TRPM3: variants seen among roughly 807,000 people sequenced by gnomAD.
TRPM3 encodes transient receptor potential cation channel subfamily M member 3.
Under a neutral mutation model 181.2 loss-of-function variants are expected in TRPM3, and 77 were observed. The observed-to-expected ratio is 0.42, with a 90% confidence interval of 0.35 to 0.51. TRPM3 has a LOEUF of 0.51. Ranked by LOEUF, TRPM3 falls within the 20% of genes least tolerant of loss-of-function variation. The pLI is 0.01. For synonymous variants in TRPM3, 745 were observed against 796.4 expected (o/e 0.94, Z 1.09); for missense variants, 1,759 against 2,196.7 (o/e 0.80, Z 3.98).
intron 12 of TRPM3, among the ~76,000 whole-genome samples, chr9:70,631,361 C>CTTTTTTTTTTTTTTT (rs11285828): frequency 7.3e-6 from 1 of 136,848 alleles, no homozygotes; most frequent in Non-Finnish European, 1.6e-5. Context: ...TCTGAAATGC[C>CTTTTTTTTTTTTTTT]TTTTTTTTTT....
At chr9:70,739,665 C>A (rs2073578618) in intron 8 of TRPM3, among the ~76,000 whole-genome samples, 1 of 151,956 alleles carries the variant, frequency 6.6e-6, no homozygotes, top group Non-Finnish European at 1.5e-5. Flanking sequence ...CATCTCAATT[C>A]ACTGCAACCA....
intron 1 of TRPM3, among the ~76,000 whole-genome samples, chr9:71,064,984 G>GGAA (rs934407488): frequency 1.6e-4 from 24 of 152,256 alleles, no homozygotes; most frequent in African/African-American, 5.5e-4. Context: ...GAGGCACATT[G>GGAA]GAAGGAATTA....
intron 6 of TRPM3, among the ~76,000 whole-genome samples, chr9:70,810,788 A>C (rs2091885863): frequency 6.6e-6 from 1 of 152,206 alleles, no homozygotes; most frequent in African/African-American, 2.4e-5. Flanking sequence ...GATTTAAGGC[A>C]AAGGCTTAAC....
At chr9:70,856,107 G>A (rs2095380515) in intron 3 of TRPM3, among the ~76,000 whole-genome samples, 1 of 152,184 alleles carries the variant, frequency 6.6e-6, no homozygotes, top group African/African-American at 2.4e-5. Flanking sequence ...GTCATAGGAG[G>A]TAGTGTATGA....
At chr9:71,276,448 G>T (rs1211980342) in intron 1 of TRPM3, among the ~76,000 whole-genome samples, 1 of 151,976 alleles carries the variant, frequency 6.6e-6, no homozygotes, top group Non-Finnish European at 1.5e-5. Context: ...ATATTACTAT[G>T]TAGCATATAC....
intron 1 of TRPM3, among the ~76,000 whole-genome samples, chr9:70,919,670 G>C (rs1398918098): frequency 6.6e-6 from 1 of 151,780 alleles, no homozygotes. Flanking sequence ...TATAATCCCA[G>C]CTACTTGGGA....
chr9:71,228,751 C>T (rs879843877), intron 1 of TRPM3, among the ~76,000 whole-genome samples: 2 of 151,958 alleles, frequency 1.3e-5, no homozygotes, highest in Non-Finnish European at 2.9e-5. Flanking sequence ...TAGGAATTAA[C>T]TGAACCAAAG....
chr9:70,879,842 T>C (rs1187491846), intron 1 of TRPM3, among the ~76,000 whole-genome samples: 1 of 152,148 alleles, frequency 6.6e-6, no homozygotes, highest in East Asian at 1.9e-4. Flanking sequence ...GCACTGTCAT[T>C]GAATTGACTG....
intron 1 of TRPM3, among the ~76,000 whole-genome samples, chr9:70,905,755 T>A (rs2096455591): frequency 6.6e-6 from 1 of 152,040 alleles, no homozygotes; most frequent in Non-Finnish European, 1.5e-5. Context: ...TTTTTTTTTT[T>A]CTTTTGAGAC....
At chr9:70,694,745 G>T (rs2069759370) in intron 8 of TRPM3, among the ~76,000 whole-genome samples, 1 of 152,230 alleles carries the variant, frequency 6.6e-6, no homozygotes, top group Admixed American at 6.5e-5. Context: ...CTCCCAAAGT[G>T]CTGGGATTAC....
chr9:71,132,384 G>A (rs1026394547), intron 1 of TRPM3, among the ~76,000 whole-genome samples: 1 of 152,120 alleles, frequency 6.6e-6, no homozygotes, highest in Admixed American at 6.5e-5. Context: ...ACAGCAATGT[G>A]AATGAATCTC....
At chr9:70,554,891 C>CT (rs974807828) in intron 22 of TRPM3, among the ~76,000 whole-genome samples, 2 of 152,016 alleles carry the variant, frequency 1.3e-5, no homozygotes, top group Non-Finnish European at 2.9e-5. Flanking sequence ...GAGCAAGAAT[C>CT]TTTTTTTTAT....
At chr9:71,245,019 A>G (rs1315886332) in intron 1 of TRPM3, among the ~76,000 whole-genome samples, 30 of 152,334 alleles carry the variant, frequency 2.0e-4, no homozygotes, top group Admixed American at 2.0e-3. Flanking sequence ...CTCGAACAAC[A>G]TGAACGGAGA....
rs199634676 is a variant in TRPM3 at position 70,684,893 on chromosome 9, T to C, written c.1273-3315A>G. ...ATTAGAGTTACGCTAACCTTCTGAG[T>C]TGGGAACGTTTTCCCCTTCATGTTG... On this transcript the variant is annotated intron_variant, in intron 8 of 25. Transcript: ENST00000677713. 2.0e-5 allele frequency among the ~76,000 whole-genome samples: 3 copies of C among 152,226 alleles called. No homozygotes were observed. In the East Asian group the frequency reaches 5.8e-4, roughly 29 times the overall value.
intron 1 of TRPM3, among the ~76,000 whole-genome samples, chr9:71,073,617 CCT>C (rs2063064589): frequency 6.6e-6 from 1 of 151,988 alleles, no homozygotes; most frequent in Non-Finnish European, 1.5e-5. Flanking sequence ...AATATTCCTC[CCT>C]GTTCCATTCC....
intron 1 of TRPM3, among the ~76,000 whole-genome samples, chr9:70,957,848 C>G (rs191845085): frequency 3.9e-5 from 6 of 152,268 alleles, no homozygotes; most frequent in Admixed American, 2.0e-4. Context: ...TTTTAGCACT[C>G]CTTACAAGCT....
At chr9:71,281,467 T>C (rs961037836) in intron 1 of TRPM3, among the ~76,000 whole-genome samples, 30 of 152,292 alleles carry the variant, frequency 2.0e-4, no homozygotes, top group African/African-American at 7.0e-4. Flanking sequence ...TGGGAAAGCA[T>C]TTTGTTCATT....
chr9:71,247,909 T>C (rs566269351), intron 1 of TRPM3, among the ~76,000 whole-genome samples: 1 of 152,288 alleles, frequency 6.6e-6, no homozygotes, highest in African/African-American at 2.4e-5. Flanking sequence ...CTAGCTAAAG[T>C]GAAGGCCTTA....
At chr9:71,235,531 C>A (rs1360476207) in intron 1 of TRPM3, among the ~76,000 whole-genome samples, 2 of 152,110 alleles carry the variant, frequency 1.3e-5, no homozygotes, top group East Asian at 3.8e-4. Flanking sequence ...TTAATCTGGG[C>A]AGTCTGACAG....
Sources: allele counts gnomAD v4.1 joint callset (sites outside exome capture counted in the v4.1 genomes callset), GRCh38; gene constraint gnomAD v4.1.1; transcripts MANE v1.5; gene names NCBI Gene and HGNC (gene_info 2026-07-23, HGNC 2026-07-21).